Variants in SYNE2 observed in about 807,000 individuals in gnomAD.
SYNE2 encodes nesprin-2.
A neutral mutation model predicts 856.3 loss-of-function variants in SYNE2; 431 were observed. That is an observed-to-expected ratio of 0.50 (90% CI 0.47 to 0.55). The LOEUF (loss-of-function observed/expected upper bound fraction) is 0.55, where lower values mean the gene tolerates loss of function less well. Ranked by LOEUF, SYNE2 falls within the 20% of genes least tolerant of loss-of-function variation. The pLI is 0.00. For missense variants in SYNE2, 8,129 were observed against 8,023.2 expected (o/e 1.01, Z -0.50); for synonymous variants, 2,923 against 2,872.3 (o/e 1.02, Z -0.56).
At chr14:64,222,316 A>T (rs74342049) in intron 112 of SYNE2, among the ~76,000 whole-genome samples, 2,638 of 152,348 alleles carry the variant, frequency 0.017, 89 homozygotes, top group African/African-American at 0.06. Context: ...TTCTGAAGTG[A>T]TAGAGATGAC....
chr14:63,993,933 A>G lies in SYNE2; in HGVS notation c.2745A>G (p.Leu915=), dbSNP rs759731217. The part of the protein sequence containing the change: ...NNVTEDIKMS[L]EEKSRDVCAK... The stretch of plus-strand genomic sequence containing the variant: ...TAACTGAGGACATAAAGATGTCTTT[A>G]GAAGAAAAGAGTAGAGATGTCTGTG... Residue 915 remains leucine, a synonymous_variant, in exon 22 of 116, where the codon TTA becomes TTG. Coordinates refer to ENST00000555002, the MANE Select transcript of SYNE2 (RefSeq NM_182914.3). The G allele has an allele frequency of 1.2e-5, 20 of 1,613,732 alleles. No individual in the cohort carries two copies. Among genetic ancestry groups the G allele is most frequent in the Non-Finnish European group, 1.7e-5 (20 of 1,179,732 alleles).
chr14:64,163,968 A>G (rs1439121898), intron 89 of SYNE2, among the ~76,000 whole-genome samples: 3 of 152,110 alleles, frequency 2.0e-5, no homozygotes, highest in Non-Finnish European at 4.4e-5. Context: ...CACCCAGGCT[A>G]GAGTGCAGTG....
intron 97 of SYNE2, among the ~76,000 whole-genome samples, chr14:64,187,299 T>C (rs1410703122): frequency 6.6e-6 from 1 of 152,222 alleles, no homozygotes; most frequent in South Asian, 2.1e-4. Flanking sequence ...AAAGTTGAAA[T>C]TCAGACACGT....
chr14:63,808,093 A>G lies in SYNE2; in HGVS notation c.-304-44408A>G, dbSNP rs903388332. Among the ~76,000 whole-genome samples, 6 of 135,180 alleles carry G rather than the reference A, an allele frequency of 4.4e-5. 1 individual carries two copies. Among genetic ancestry groups the G allele is most frequent in the South Asian group, 4.7e-4 (2 of 4,224 alleles). The allele number at this position is 135,180 out of a possible 152,430, so 88.7% of individuals were successfully genotyped here. On this transcript the variant is annotated intron_variant, in intron 1 of 23. Coordinates refer to the SYNE2 transcript ENST00000674003. ...CCTCATAGCTTAGCTTCCACAGGCT[A>G]ATTTTTAAAATTTTTATAGAGATGA...
Position 64,132,264 on chromosome 14 carries a change from G to C in SYNE2, c.14341-1G>C, listed in dbSNP as rs762337582. The C allele has an allele frequency of 6.2e-7, 1 of 1,613,096 alleles. No homozygotes were observed. The highest frequency in any genetic ancestry group is 1.1e-5 in the South Asian group (1 of 91,022). ...ATATTAAAACTTTCTCCATCTCATA[G>C]GTTTTTTTCCAGAAGCTTGTTGCTG... On this transcript the variant is annotated splice_acceptor_variant, in intron 76 of 115. Coordinates refer to ENST00000555002, the MANE Select transcript of SYNE2 (RefSeq NM_182914.3). LOFTEE classifies it high-confidence loss of function.
intron 66 of SYNE2, among the ~76,000 whole-genome samples, chr14:64,117,615 A>G (rs921557587): frequency 6.6e-6 from 1 of 152,150 alleles, no homozygotes; most frequent in Non-Finnish European, 1.5e-5. Context: ...TGTTTTATCT[A>G]TACCTCATAT....
At chr14:63,951,407 A>G (rs916093019) in intron 7 of SYNE2, among the ~76,000 whole-genome samples, 38 of 152,054 alleles carry the variant, frequency 2.5e-4, no homozygotes, top group Admixed American at 7.2e-4. Context: ...GGTTCAAGCA[A>G]TTCTCCTGCC....
intron 101 of SYNE2, 182 bp downstream of exon 101, chr14:64,209,127 T>G: frequency 2.2e-6 from 2 of 909,084 alleles, no homozygotes; most frequent in Non-Finnish European, 3.4e-6. Context: ...GTAATGTCTC[T>G]CCCCAGCTGT....
chr14:64,139,987 C>T lies in SYNE2; in HGVS notation c.14890C>T (p.Gln4964Ter). ...GTTAACCAAGTGGTTGGAATCTTCC[C>T]AGCATACTCTGAATTACTGGAAAGA... ...DQLTKWLESSQHTLNYWKEQS... is the reference protein window; with the variant it reads ...DQLTKWLESS The change falls in exon 80 of 116, where the codon CAG becomes TAG. Residue 4964 changes from glutamine (Q) to a stop codon, truncating the protein, a stop_gained. Transcript: ENST00000555002. LOFTEE classifies it high-confidence loss of function. 1.2e-6 allele frequency: 2 copies of T among 1,613,994 alleles called. No homozygotes were observed. The highest frequency in any genetic ancestry group is 1.7e-6 in the Non-Finnish European group (2 of 1,179,970).
At chr14:63,772,245 T>C (rs1012053920) in intron 1 of SYNE2, among the ~76,000 whole-genome samples, 11 of 152,044 alleles carry the variant, frequency 7.2e-5, no homozygotes, top group Admixed American at 5.2e-4. Context: ...TACCAGCTAC[T>C]TGGGGGGCTG....
At chr14:64,006,349 T>G (rs2153511572) in intron 30 of SYNE2, among the ~76,000 whole-genome samples, 1 of 134,048 alleles carries the variant, frequency 7.5e-6, no homozygotes, top group South Asian at 2.3e-4. Context: ...CAGTTCTTGG[T>G]CATTCACCTT....
At position 63,990,961 on chromosome 14, in the gene SYNE2, T is replaced by C. The variant is rs937397649; in HGVS notation, c.2492T>C (p.Ile831Thr). Residue 831 changes from isoleucine (I) to threonine (T), a missense_variant, in exon 21 of 116, where the codon ATT becomes ACT. Ile to Thr is a moderately conservative substitution (Grantham distance 89). Around this residue, in one of 3 missense-constraint regions of SYNE2, gnomAD observed 2,422 missense variants for 2,357.4 expected, o/e 1.03. Transcript: ENST00000555002. ...TTCAAGATCAATGTGGTAAAACTCA[T>C]TGCAGCGTTGAAGAACTTAACTGAC... The part of the protein sequence containing the change: ...EKVQINVVKL[I>T]AALKNLTDVS... 14 of 1,614,016 alleles carry C rather than the reference T, an allele frequency of 8.7e-6. No homozygotes were observed. The Admixed American group carries it at 1.8e-4, about 21-fold the overall frequency.
chr14:64,137,094 C>T (rs2098099243), intron 78 of SYNE2, among the ~76,000 whole-genome samples: 1 of 152,226 alleles, frequency 6.6e-6, no homozygotes, highest in South Asian at 2.1e-4. Context: ...ATCTTAAGGT[C>T]ACACAAAACC....
chr14:63,781,081 A>G (rs1887286923), intron 1 of SYNE2, among the ~76,000 whole-genome samples: 1 of 152,202 alleles, frequency 6.6e-6, no homozygotes, highest in African/African-American at 2.4e-5. Context: ...ATTCGAGACC[A>G]GCCTGATCAA....
rs773727784 is a variant in SYNE2 at position 64,142,096 on chromosome 14, T to G, written c.15306+8T>G. ...CTTCTTCAGAAGCACAAGGTAATTA[T>G]GCAAAAGGAGCAGAAGTCTTTTCAT... is the stretch of plus-strand genomic sequence containing the variant. On this transcript the variant is annotated splice_region_variant and intron_variant, in intron 82 of 115. Transcript: ENST00000555002. 6.2e-7 allele frequency: 1 copy of G among 1,614,068 alleles called. No individual in the cohort carries two copies. The highest frequency in any genetic ancestry group is 1.1e-5 in the South Asian group (1 of 91,070).
intron 57 of SYNE2, chr14:64,085,118 G>T (rs1461142549): frequency 9.0e-6 from 6 of 663,404 alleles, no homozygotes; most frequent in Non-Finnish European, 1.6e-5. Context: ...TGTCACCCAG[G>T]CTGGAGTGCA....
At position 64,167,542 on chromosome 14, in the gene SYNE2, A is replaced by G; in HGVS notation, c.16808A>G (p.Glu5603Gly). 6.2e-7 allele frequency: 1 copy of G among 1,614,210 alleles called. No homozygotes were observed. Among genetic ancestry groups the G allele is most frequent in the Non-Finnish European group, 8.5e-7 (1 of 1,180,030 alleles). The part of the protein sequence containing the change: ...GLNEKFLYCC[E>G]KWIQLLEKIE... Reference sequence around the variant, plus strand: ...AATGAAAAGTTTCTTTATTGCTGTGAAAAGTGGATCCAACTTTTGGAGAAG... The same window carrying G: ...AATGAAAAGTTTCTTTATTGCTGTGGAAAGTGGATCCAACTTTTGGAGAAG... Residue 5603 changes from glutamate (E) to glycine (G), a missense_variant, in exon 92 of 116, where the codon GAA becomes GGA. Coordinates refer to ENST00000555002, the MANE Select transcript of SYNE2 (RefSeq NM_182914.3).
At chr14:63,954,429 A>C (rs2096213557) in intron 7 of SYNE2, among the ~76,000 whole-genome samples, 1 of 152,166 alleles carries the variant, frequency 6.6e-6, no homozygotes. Context: ...AGTTTGATTC[A>C]GTAGGTATGG....
In SYNE2 at chr14:64,009,896, T is replaced by C. The variant is rs1241379080; in HGVS notation, c.4578-70T>C. ...CACCTTATTCATCATTTATGTGGGA[T>C]ACTTGCAAAGAGAAAGAACGGTTTT... is the stretch of plus-strand genomic sequence containing the variant. On this transcript the variant is annotated intron_variant, in intron 31 of 115. Coordinates refer to ENST00000555002, the MANE Select transcript of SYNE2 (RefSeq NM_182914.3). 2.9e-6 allele frequency: 4 copies of C among 1,356,896 alleles called. No homozygotes were observed. The African/African-American group carries it at 5.8e-5, about 20-fold the overall frequency. 84.1% of individuals were successfully genotyped at this position (1,356,896 alleles called of 1,614,324 possible).
Sources: gnomAD v4.1 joint callset for allele counts (sites outside exome capture counted in the v4.1 genomes callset) on GRCh38, gnomAD v4.1.1 for gene constraint, gnomAD v4.1.1 regional missense constraint, MANE v1.5 for transcripts, NCBI Gene and HGNC (gene_info 2026-07-23, HGNC 2026-07-21) for gene names.